The following NMNAT2 variants were observed in gnomAD, a reference collection of about 807,000 sequenced individuals.
NMNAT2 encodes nicotinamide/nicotinic acid mononucleotide adenylyltransferase 2.
NMNAT2 carries 11 observed loss-of-function variants against 41.6 expected under a neutral mutation model. The ratio of observed to expected loss-of-function variants is 0.26; its 90% confidence interval spans 0.17 to 0.44. The LOEUF is 0.44. NMNAT2 is among the 20% of genes least tolerant of loss of function. The pLI is 1.00. For missense variants in NMNAT2, 288 were observed against 407.7 expected, an observed-to-expected ratio of 0.71 and a Z score of 2.53; for synonymous variants, 148 against 151.2, an observed-to-expected ratio of 0.98 and a Z score of 0.16.
intron 1 of NMNAT2, among the ~76,000 whole-genome samples, chr1:183,294,715 G>A (rs1220112750): frequency 2.0e-5 from 3 of 152,060 alleles, no homozygotes; most frequent in Non-Finnish European, 2.9e-5. Flanking sequence ...GCTTGAACCC[G>A]GGCAGCAGAG....
At chr1:183,300,719 T>G (rs541115761) in intron 1 of NMNAT2, among the ~76,000 whole-genome samples, 1 of 152,236 alleles carries the variant, frequency 6.6e-6, no homozygotes, top group Non-Finnish European at 1.5e-5. Flanking sequence ...TGATAAATTA[T>G]AGAACACTGC....
intron 1 of NMNAT2, among the ~76,000 whole-genome samples, chr1:183,317,731 A>G (rs1662283015): frequency 1.3e-5 from 2 of 152,210 alleles, no homozygotes; most frequent in South Asian, 4.1e-4. Context: ...ACTGCCTAAG[A>G]TAACCCCAAG....
At chr1:183,288,470 G>A (rs568576341) in intron 4 of NMNAT2, among the ~76,000 whole-genome samples, 95 of 152,324 alleles carry the variant, frequency 6.2e-4, no homozygotes, top group African/African-American at 1.5e-3. Flanking sequence ...TCTGCCCATC[G>A]CTGCAACAGC....
In NMNAT2 at chr1:183,305,448, C is replaced by T. The variant is rs572772366; in HGVS notation, c.86-11655G>A. Reference sequence around the variant, plus strand: ...GAATCAGGCTCTATTTTTAACTACACGTCTATTTTATTCTACACTTTTATT... The same window carrying T: ...GAATCAGGCTCTATTTTTAACTACATGTCTATTTTATTCTACACTTTTATT... On this transcript the variant is annotated intron_variant, in intron 1 of 10. Transcript: ENST00000287713. Among the ~76,000 whole-genome samples the T allele has an allele frequency of 7.9e-5, 12 of 152,248 alleles. No individual in the cohort carries two copies. The East Asian group carries it at 1.4e-3, about 17-fold the overall frequency.
chr1:183,412,473 T>C (rs1649146293), intron 1 of NMNAT2, among the ~76,000 whole-genome samples: 1 of 152,234 alleles, frequency 6.6e-6, no homozygotes, highest in East Asian at 1.9e-4. Context: ...CCCACCTGCC[T>C]TGGCCTCCCA....
intron 1 of NMNAT2, among the ~76,000 whole-genome samples, chr1:183,415,551 G>A (rs1460433016): frequency 6.6e-6 from 1 of 152,174 alleles, no homozygotes; most frequent in African/African-American, 2.4e-5. Flanking sequence ...GCAGTATGAA[G>A]GCCTCTGCAA....
Position 183,389,833 on chromosome 1 carries a change from AAAGAAAGAAAGG to A in NMNAT2, c.85+28338_85+28349del, listed in dbSNP as rs1557897783. 2.7e-4 allele frequency among the ~76,000 whole-genome samples: 18 copies of A among 66,250 alleles called. 3 individuals are homozygous for A. Among genetic ancestry groups the A allele is most frequent in the African/African-American group, 6.9e-4 (14 of 20,360 alleles). 43.5% of individuals were successfully genotyped at this position (66,250 alleles called of 152,430 possible). A position where few individuals can be genotyped will look rare whatever the true frequency, so the allele number is the denominator to read the frequency against. ...GAAAGAAAGAAAGAAAGAAAGAAAG[AAAGAAAGAAAGG>A]AAAAAAGAGAAAGAAAGAAAGAAAG... On this transcript the variant is annotated intron_variant, in intron 1 of 10. Transcript: ENST00000287713.
Position 183,389,867 on chromosome 1 carries a change from AAAGAAGGG to A in NMNAT2, c.85+28308_85+28315del, listed in dbSNP as rs573932911. 7.1e-5 allele frequency among the ~76,000 whole-genome samples: 4 copies of A among 56,136 alleles called. No homozygotes were observed. In the South Asian group the frequency reaches 2.9e-3, roughly 40 times the overall value. 36.8% of individuals were successfully genotyped at this position (56,136 alleles called of 152,430 possible). The stretch of plus-strand genomic sequence containing the variant: ...AAGGAAAAAAGAGAAAGAAAGAAAG[AAAGAAGGG>A]AGGGAGGGAGGGAGGGAGGGAGGGA... On this transcript the variant is annotated intron_variant, in intron 1 of 10. Coordinates refer to ENST00000287713, the MANE Select transcript of NMNAT2 (RefSeq NM_015039.4).
At chr1:183,297,357 T>G (rs543009465) in intron 1 of NMNAT2, among the ~76,000 whole-genome samples, 7 of 150,866 alleles carry the variant, frequency 4.6e-5, no homozygotes, top group Non-Finnish European at 1.0e-4. Flanking sequence ...CATAAACTCT[T>G]CTAGAAAGTA....
chr1:183,400,953 C>CA (rs1241922709), intron 1 of NMNAT2, among the ~76,000 whole-genome samples: 1 of 152,044 alleles, frequency 6.6e-6, no homozygotes, highest in Non-Finnish European at 1.5e-5. Flanking sequence ...CCTAAAACCA[C>CA]AAAAACCCTA....
chr1:183,278,392 G>A (rs1448511490), intron 8 of NMNAT2, among the ~76,000 whole-genome samples, 161 bp downstream of exon 8: 1 of 152,178 alleles, frequency 6.6e-6, no homozygotes, highest in Non-Finnish European at 1.5e-5. Context: ...TGCAGTAGGA[G>A]ATAAAGCTTG....
chr1:183,401,628 T>C (rs1264854305), intron 1 of NMNAT2, among the ~76,000 whole-genome samples: 2 of 151,864 alleles, frequency 1.3e-5, no homozygotes. Context: ...ATGTTTATTG[T>C]GGCACTATTC....
chr1:183,389,794 A>AGGGAGGGAGGGAGGG (rs1557897576), intron 1 of NMNAT2, among the ~76,000 whole-genome samples: 2 of 79,608 alleles, frequency 2.5e-5, no homozygotes, highest in African/African-American at 4.1e-5. Flanking sequence ...GAAAGAAAGA[A>AGGGAGGGAGGGAGGG]AGAAAGAAAG....
At chr1:183,281,871 T>C (rs1162386932) in intron 7 of NMNAT2, among the ~76,000 whole-genome samples, 1 of 152,230 alleles carries the variant, frequency 6.6e-6, no homozygotes, top group East Asian at 1.9e-4. Flanking sequence ...CCCCAGCGCC[T>C]CACACAGCGC....
intron 1 of NMNAT2, among the ~76,000 whole-genome samples, chr1:183,341,748 C>CAAAA (rs369432128): frequency 2.5e-5 from 2 of 79,794 alleles, no homozygotes; most frequent in African/African-American, 4.4e-5. Flanking sequence ...AAAAAAAAAA[C>CAAAA]CTGTTTCCTT....
intron 10 of NMNAT2, among the ~76,000 whole-genome samples, chr1:183,258,414 A>G (rs1264832522): frequency 6.6e-6 from 1 of 152,170 alleles, no homozygotes; most frequent in Non-Finnish European, 1.5e-5. Context: ...AAGAGATCTA[A>G]CTTAACCGAC....
intron 1 of NMNAT2, among the ~76,000 whole-genome samples, chr1:183,345,549 T>C (rs976972338): frequency 5.3e-5 from 8 of 152,152 alleles, no homozygotes; most frequent in Non-Finnish European, 8.8e-5. Context: ...AGAGACCTCA[T>C]TGGCCCTCCC....
At chr1:183,256,203 C>T (rs1205535414) in intron 10 of NMNAT2, among the ~76,000 whole-genome samples, 1 of 151,860 alleles carries the variant, frequency 6.6e-6, no homozygotes, top group African/African-American at 2.4e-5. Context: ...GTCAGGCGTT[C>T]GAGCCCAGTC....
intron 10 of NMNAT2, among the ~76,000 whole-genome samples, chr1:183,255,790 AG>A (rs1480617634): frequency 6.6e-6 from 1 of 151,386 alleles, no homozygotes; most frequent in African/African-American, 2.4e-5. Context: ...CGGCCTCCCG[AG>A]TAGCTCGGAT....
Sources: gnomAD v4.1 joint callset for allele counts (sites outside exome capture counted in the v4.1 genomes callset) on GRCh38, gnomAD v4.1.1 for gene constraint, MANE v1.5 for transcripts, NCBI Gene and HGNC (gene_info 2026-07-23, HGNC 2026-07-21) for gene names.